The following TRPM3 variants were observed in gnomAD, a reference collection of about 807,000 sequenced individuals.
The protein encoded by TRPM3 is transient receptor potential cation channel subfamily M member 3.
Under a neutral mutation model 181.2 loss-of-function variants are expected in TRPM3, and 77 were observed. The observed-to-expected ratio is 0.42, with a 90% confidence interval of 0.35 to 0.51. TRPM3 has a LOEUF of 0.51. TRPM3 is among the 20% of genes least tolerant of loss of function. TRPM3 has a pLI of 0.01. For synonymous variants in TRPM3, 745 were observed against 796.4 expected (o/e 0.94, Z 1.09); for missense variants, 1,759 against 2,196.7 (o/e 0.80, Z 3.98).
chr9:70,926,073 T>C (rs2096718575), intron 1 of TRPM3, among the ~76,000 whole-genome samples: 1 of 151,310 alleles, frequency 6.6e-6, no homozygotes. Context: ...CTATCACTCA[T>C]CCACATAGAA....
intron 9 of TRPM3, among the ~76,000 whole-genome samples, chr9:70,681,184 T>C (rs761849698): frequency 1.4e-4 from 22 of 152,138 alleles, no homozygotes; most frequent in Non-Finnish European, 2.2e-4. Flanking sequence ...TGAAAGTAGA[T>C]AGGGTAAAAA....
intron 1 of TRPM3, among the ~76,000 whole-genome samples, chr9:71,216,973 C>T (rs1349057884): frequency 5.4e-5 from 5 of 91,888 alleles, no homozygotes; most frequent in South Asian, 7.6e-4. Context: ...TTTTTTGAGA[C>T]GGAGTCTCGC....
Position 71,053,618 on chromosome 9 carries a change from G to C in TRPM3, c.177+67560C>G, listed in dbSNP as rs547846285. Among the ~76,000 whole-genome samples the C allele has an allele frequency of 4.7e-4, 71 of 152,218 alleles. 1 individual carries two copies. In the South Asian group the frequency reaches 0.013, roughly 28 times the overall value. On this transcript the variant is annotated intron_variant, in intron 1 of 25. Coordinates refer to ENST00000677713, the MANE Select transcript of TRPM3 (RefSeq NM_001366145.2). ...TATTTTTCAGCTCTGTTGGAGATTA[G>C]AGAGGTTTTCATAAAATGTAAAAAT...
intron 1 of TRPM3, among the ~76,000 whole-genome samples, chr9:71,165,829 G>A (rs950869223): frequency 6.6e-6 from 1 of 152,132 alleles, no homozygotes; most frequent in Non-Finnish European, 1.5e-5. Context: ...AGTTGAGCAT[G>A]GTAAAACAGT....
chr9:70,660,342 C>T (rs144233936), intron 9 of TRPM3, among the ~76,000 whole-genome samples: 1 of 152,074 alleles, frequency 6.6e-6, no homozygotes, highest in African/African-American at 2.4e-5. Context: ...AGAGGCTAAT[C>T]AGAAACTCAA....
chr9:70,597,242 C>CATTA (rs1271972847), intron 21 of TRPM3, among the ~76,000 whole-genome samples: 2 of 151,930 alleles, frequency 1.3e-5, no homozygotes, highest in East Asian at 3.9e-4. Flanking sequence ...CCTAATTTTT[C>CATTA]ATTAGTTTTT....
intron 1 of TRPM3, among the ~76,000 whole-genome samples, chr9:71,352,384 A>C (rs1259132758): frequency 2.6e-5 from 4 of 152,164 alleles, no homozygotes; most frequent in Admixed American, 6.5e-5. Flanking sequence ...ATTATATTCA[A>C]CTTATTTTTC....
chr9:71,194,470 C>G (rs1161503431), intron 1 of TRPM3, among the ~76,000 whole-genome samples: 1 of 151,860 alleles, frequency 6.6e-6, no homozygotes, highest in Non-Finnish European at 1.5e-5. Context: ...TCCAGTTGGT[C>G]CATGAAAGCT....
chr9:70,880,566 G>T (rs1296260806), intron 1 of TRPM3, among the ~76,000 whole-genome samples: 2 of 152,158 alleles, frequency 1.3e-5, no homozygotes, highest in East Asian at 3.9e-4. Flanking sequence ...GTTGGTATTT[G>T]CATGTGTGTA....
At chr9:70,790,571 G>A (rs1224066501) in intron 6 of TRPM3, among the ~76,000 whole-genome samples, 1 of 152,138 alleles carries the variant, frequency 6.6e-6, no homozygotes, top group Admixed American at 6.6e-5. Flanking sequence ...AAGCTATTTT[G>A]CCTCATTTTA....
At chr9:71,446,527 A>C in intron 1 of TRPM3, 1 of 960,124 alleles carries the variant, frequency 1.0e-6, no homozygotes, top group South Asian at 1.8e-5. Flanking sequence ...ATTTCATTAG[A>C]AGCGGCGCCA....
intron 5 of TRPM3, among the ~76,000 whole-genome samples, chr9:70,836,701 T>C (rs1008198000): frequency 6.6e-6 from 1 of 152,130 alleles, no homozygotes; most frequent in Non-Finnish European, 1.5e-5. Flanking sequence ...TGCTCATCCA[T>C]TAAAAGCTGG....
intron 1 of TRPM3, among the ~76,000 whole-genome samples, chr9:70,960,123 CTTTT>C (rs56670058): frequency 1.4e-5 from 2 of 141,788 alleles, no homozygotes; most frequent in East Asian, 2.1e-4. Flanking sequence ...AACTCTCGTT[CTTTT>C]TTTTTTTTTT....
chr9:71,105,173 T>C (rs996405602), intron 1 of TRPM3, among the ~76,000 whole-genome samples: 30 of 152,146 alleles, frequency 2.0e-4, no homozygotes, highest in African/African-American at 7.0e-4. Context: ...TTTAGGAGCT[T>C]GTTGAGTGGA....
chr9:71,039,022 AC>A (rs1335754576), intron 1 of TRPM3, among the ~76,000 whole-genome samples: 1 of 152,214 alleles, frequency 6.6e-6, no homozygotes, highest in African/African-American at 2.4e-5. Context: ...ACTTAAAAAA[AC>A]AAAAAACAAA....
intron 1 of TRPM3, among the ~76,000 whole-genome samples, chr9:71,312,009 T>G (rs2087995289): frequency 6.6e-6 from 1 of 152,116 alleles, no homozygotes; most frequent in African/African-American, 2.4e-5. Context: ...TTGGGTATGG[T>G]GGTGACCTTT....
intron 1 of TRPM3, among the ~76,000 whole-genome samples, chr9:70,946,433 G>GTAGTAA (rs2096933357): frequency 6.9e-6 from 1 of 144,664 alleles, no homozygotes; most frequent in African/African-American, 2.7e-5. Flanking sequence ...CTGTTAAATG[G>GTAGTAA]TAATAATAAT....
At chr9:71,216,777 C>T (rs918764739) in intron 1 of TRPM3, among the ~76,000 whole-genome samples, 6 of 152,114 alleles carry the variant, frequency 3.9e-5, no homozygotes, top group Middle Eastern at 3.2e-3. Flanking sequence ...GTGCTCAACA[C>T]AGGTTCATGG....
intron 1 of TRPM3, among the ~76,000 whole-genome samples, chr9:71,096,639 A>T (rs1179546046): frequency 7.7e-6 from 1 of 129,546 alleles, no homozygotes; most frequent in East Asian, 2.1e-4. Context: ...CTCTCCCTCA[A>T]ATAAAATGTT....
Sources: allele counts gnomAD v4.1 joint callset (sites outside exome capture counted in the v4.1 genomes callset), GRCh38; gene constraint gnomAD v4.1.1; transcripts MANE v1.5; gene names NCBI Gene and HGNC (gene_info 2026-07-23, HGNC 2026-07-21).